The following DOCK4 variants were observed in gnomAD, a reference collection of about 807,000 sequenced individuals.
DOCK4 encodes dedicator of cytokinesis protein 4.
Under a neutral mutation model 268.1 loss-of-function variants are expected in DOCK4, and 97 were observed. The observed-to-expected ratio is 0.36, with a 90% CI of 0.31 to 0.43. DOCK4 has a LOEUF of 0.43. DOCK4 is among the 20% of genes least tolerant of loss of function. The probability of loss-of-function intolerance (pLI) is 1.00; values close to 1 mark genes in which losing one functional copy is unlikely to be tolerated. For missense variants in DOCK4, 2,145 were observed against 2,455.7 expected (o/e 0.87, Z 2.67); for synonymous variants, 954 against 887.2 (o/e 1.08, Z -1.34).
Position 111,755,523 on chromosome 7 carries a change from G to A in DOCK4, c.4408C>T (p.Arg1470Cys), listed in dbSNP as rs1007103087. The change falls in exon 42 of 53, where the codon CGT becomes TGT. Residue 1470 changes from arginine to cysteine, a missense_variant. Arg to Cys is a radical substitution (Grantham distance 180). Around this residue, in one of 2 missense-constraint regions of DOCK4, gnomAD observed 1,598 missense variants for 1,986.7 expected, o/e 0.80. Transcript: ENST00000428084. Reference protein sequence around the residue: ...GISRWFEVEKREVVEMSPLEN... With the variant: ...GISRWFEVEKCEVVEMSPLEN... ...CAAGCTCTGATCCTTACCACTTCAC[G>A]CTTTTCCACTTCAAACCAGCGAGAG... 17 of 1,613,640 alleles carry A rather than the reference G, an allele frequency of 1.1e-5. No homozygotes were observed. The highest frequency in any genetic ancestry group is 4.5e-5 in the East Asian group (2 of 44,870).
intron 50 of DOCK4, among the ~76,000 whole-genome samples, chr7:111,735,435 G>A (rs986971074): frequency 1.3e-5 from 2 of 152,174 alleles, no homozygotes; most frequent in African/African-American, 2.4e-5. Context: ...AAAACTTGCT[G>A]AGAATTACAA....
intron 1 of DOCK4, among the ~76,000 whole-genome samples, chr7:112,079,738 A>C (rs548480771): frequency 2.4e-4 from 36 of 152,348 alleles, no homozygotes; most frequent in Admixed American, 2.4e-3. Flanking sequence ...AATGGAAATC[A>C]GAAAAGCACC....
intron 1 of DOCK4, among the ~76,000 whole-genome samples, chr7:112,053,406 G>T (rs1323566369): frequency 2.0e-5 from 3 of 152,128 alleles, no homozygotes; most frequent in Non-Finnish European, 2.9e-5. Context: ...ATCTTTAAAA[G>T]GGTTTTTCTG....
At chr7:112,012,787 T>C (rs756051111) in intron 1 of DOCK4, among the ~76,000 whole-genome samples, 18 of 152,222 alleles carry the variant, frequency 1.2e-4, no homozygotes, top group Admixed American at 3.3e-4. Flanking sequence ...TTGTTACTTT[T>C]AGTTTTTTTT....
At chr7:112,184,512 C>A (rs955430229) in intron 1 of DOCK4, among the ~76,000 whole-genome samples, 6 of 152,104 alleles carry the variant, frequency 3.9e-5, no homozygotes, top group Admixed American at 1.3e-4. Flanking sequence ...TGCAACTTGT[C>A]ATTCATTTTT....
Position 111,728,552 on chromosome 7 carries a change from G to T in DOCK4, c.5650C>A (p.Pro1884Thr). The T allele has an allele frequency of 6.2e-7, 1 of 1,613,946 alleles. No individual in the cohort carries two copies. The highest frequency in any genetic ancestry group is 8.5e-7 in the Non-Finnish European group (1 of 1,179,896). Residue 1884 changes from proline to threonine, a missense_variant, in exon 53 of 53, where the codon CCC becomes ACC. Coordinates refer to ENST00000428084, the MANE Select transcript of DOCK4 (RefSeq NM_001363540.2). Reference sequence around the variant, plus strand: ...GGCACCGGCACTGGCACCGGCAGGGGGGCCGACTGTTCATTCACCTGATTT... The same window carrying T: ...GGCACCGGCACTGGCACCGGCAGGGTGGCCGACTGTTCATTCACCTGATTT... ...FENQVNEQSA[P>T]LPVPVPVPVP...
intron 1 of DOCK4, among the ~76,000 whole-genome samples, chr7:112,012,031 C>G (rs73717935): frequency 6.6e-6 from 1 of 151,676 alleles, no homozygotes; most frequent in Non-Finnish European, 1.5e-5. Flanking sequence ...GATGACACCC[C>G]CTGCCTGGCC....
chr7:111,788,575 G>T, intron 32 of DOCK4, 87 bp downstream of exon 32: 2 of 1,089,784 alleles, frequency 1.8e-6, no homozygotes, highest in Non-Finnish European at 2.7e-6. Context: ...TGTCTTTGCA[G>T]CTCTCAGCTA....
At chr7:111,865,206 T>C (rs1805873051) in intron 22 of DOCK4, among the ~76,000 whole-genome samples, 1 of 152,198 alleles carries the variant, frequency 6.6e-6, no homozygotes, top group Admixed American at 6.5e-5. Context: ...TGTGTGTCCA[T>C]GAAATAGAAA....
intron 28 of DOCK4, among the ~76,000 whole-genome samples, chr7:111,810,181 C>T (rs1050425030): frequency 6.6e-6 from 1 of 152,100 alleles, no homozygotes; most frequent in East Asian, 1.9e-4. Context: ...AGTCCAGGTG[C>T]GGTGGCTCAT....
At chr7:111,733,420 T>C (rs529825404) in intron 51 of DOCK4, among the ~76,000 whole-genome samples, 7 of 152,340 alleles carry the variant, frequency 4.6e-5, no homozygotes, top group African/African-American at 1.7e-4. Flanking sequence ...TCTTGAATGC[T>C]GGGGCATGCT....
At position 112,206,186 on chromosome 7, in the gene DOCK4, T is replaced by A; in HGVS notation, c.-48A>T. The stretch of plus-strand genomic sequence containing the variant: ...TCAGGCTTTGTAATCCCCGCGCCCC[T>A]TCTCCGGCTCACAACAATGCACAGT... On this transcript the variant is annotated 5_prime_UTR_variant, in exon 1 of 53. It adds an upstream start codon to the 5' untranslated region. Transcript: ENST00000428084. 1.3e-6 allele frequency: 2 copies of A among 1,546,152 alleles called. No homozygotes were observed. The highest frequency in any genetic ancestry group is 1.8e-6 in the Non-Finnish European group (2 of 1,140,986).
At chr7:112,124,436 T>A (rs1047677853) in intron 1 of DOCK4, among the ~76,000 whole-genome samples, 1 of 152,210 alleles carries the variant, frequency 6.6e-6, no homozygotes, top group Non-Finnish European at 1.5e-5. Flanking sequence ...AAATAAGAAA[T>A]GAATTGACCA....
chr7:111,742,255 A>G, intron 44 of DOCK4, 123 bp from the exon 45 acceptor site: 1 of 1,071,350 alleles, frequency 9.3e-7, no homozygotes, highest in Middle Eastern at 2.2e-4. Flanking sequence ...TGCCTCTGAC[A>G]AGGTAGGAAC....
rs772457870 is a variant in DOCK4, at chr7:111,746,311, G to A, written c.4677+23C>T. On this transcript the variant is annotated intron_variant, in intron 44 of 52. Coordinates refer to ENST00000428084, the MANE Select transcript of DOCK4 (RefSeq NM_001363540.2). ...GCACATATCCAGGCAAAATAGAAGGGGGTTGGCTTCTGCTTCCCTTACCTG... is the reference window on the plus strand; with the variant it reads ...GCACATATCCAGGCAAAATAGAAGGAGGTTGGCTTCTGCTTCCCTTACCTG... The A allele has an allele frequency of 5.6e-6, 9 of 1,600,228 alleles. No homozygotes were observed. In the East Asian group the frequency reaches 2.0e-4, roughly 36 times the overall value.
At chr7:112,026,331 C>A (rs755047300) in intron 1 of DOCK4, among the ~76,000 whole-genome samples, 1 of 152,172 alleles carries the variant, frequency 6.6e-6, no homozygotes, top group Admixed American at 6.5e-5. Context: ...CTAGGTTGCA[C>A]GCTCCTTATG....
intron 25 of DOCK4, among the ~76,000 whole-genome samples, chr7:111,843,720 TTAA>T (rs1386350558): frequency 6.6e-6 from 1 of 152,182 alleles, no homozygotes; most frequent in Non-Finnish European, 1.5e-5. Flanking sequence ...GTATTATTTC[TTAA>T]TATTATTTTC....
intron 1 of DOCK4, among the ~76,000 whole-genome samples, chr7:112,133,144 C>T (rs548293364): frequency 3.9e-4 from 59 of 152,254 alleles, no homozygotes; most frequent in African/African-American, 1.4e-3. Flanking sequence ...CATACCGCAT[C>T]TCTCTAGTGT....
At chr7:111,893,030 T>C (rs999580489) in intron 16 of DOCK4, among the ~76,000 whole-genome samples, 3 of 152,162 alleles carry the variant, frequency 2.0e-5, no homozygotes, top group Admixed American at 6.5e-5. Context: ...GTTTCTCTTG[T>C]GGTTGAGGTC....
Sources: allele counts gnomAD v4.1 joint callset (sites outside exome capture counted in the v4.1 genomes callset), GRCh38; gene constraint gnomAD v4.1.1; regional missense constraint gnomAD v4.1.1; transcripts MANE v1.5; gene names NCBI Gene and HGNC (gene_info 2026-07-23, HGNC 2026-07-21).